UBE3D: variants seen among roughly 807,000 people sequenced by gnomAD.
UBE3D encodes the protein ubiquitin protein ligase E3D, also known as E3 ubiquitin-protein ligase E3D.
UBE3D carries 48 observed loss-of-function variants against 49.6 expected under a neutral mutation model. The observed-to-expected ratio is 0.97, with a 90% CI of 0.77 to 1.23. UBE3D has a LOEUF of 1.23. Ranked by LOEUF, UBE3D falls within the 50% of genes most tolerant of loss-of-function variation. UBE3D has a pLI of 0.00. For synonymous variants in UBE3D, 189 were observed against 174.2 expected, an observed-to-expected ratio of 1.08 and a Z score of -0.67; for missense variants, 452 against 468.4, an observed-to-expected ratio of 0.96 and a Z score of 0.32.
intron 3 of UBE3D, among the ~76,000 whole-genome samples, chr6:83,047,080 G>C (rs1055914141): frequency 6.6e-6 from 1 of 152,196 alleles, no homozygotes; most frequent in Non-Finnish European, 1.5e-5. Context: ...AAATGAACTA[G>C]CGTATTTTGA....
At chr6:82,901,239 T>C (rs1412803993) in intron 9 of UBE3D, among the ~76,000 whole-genome samples, 1 of 151,950 alleles carries the variant, frequency 6.6e-6, no homozygotes, top group African/African-American at 2.4e-5. Flanking sequence ...TGCTGCATTA[T>C]ATTTTACTAC....
intron 5 of UBE3D, among the ~76,000 whole-genome samples, chr6:83,035,410 T>G (rs1471044820): frequency 6.6e-6 from 1 of 152,188 alleles, no homozygotes; most frequent in Non-Finnish European, 1.5e-5. Flanking sequence ...CCTTTGAGAA[T>G]TGTGTTTTGA....
intron 8 of UBE3D, among the ~76,000 whole-genome samples, chr6:82,984,768 G>A (rs1778344503): frequency 6.6e-6 from 1 of 151,902 alleles, no homozygotes; most frequent in Non-Finnish European, 1.5e-5. Context: ...TTTATAAGCT[G>A]GGGATATTAG....
chr6:83,034,624 G>T (rs1782113438), intron 5 of UBE3D, among the ~76,000 whole-genome samples: 1 of 152,090 alleles, frequency 6.6e-6, no homozygotes, highest in East Asian at 1.9e-4. Context: ...GTTATCACAA[G>T]ATCTGAGGTT....
At chr6:82,944,937 A>G (rs1302782075) in intron 9 of UBE3D, among the ~76,000 whole-genome samples, 1 of 152,236 alleles carries the variant, frequency 6.6e-6, no homozygotes, top group African/African-American at 2.4e-5. Context: ...GGACCAGCTA[A>G]GCCACATTAG....
At chr6:82,941,390 G>C (rs1400881717) in intron 9 of UBE3D, among the ~76,000 whole-genome samples, 1 of 151,518 alleles carries the variant, frequency 6.6e-6, no homozygotes, top group African/African-American at 2.4e-5. Flanking sequence ...AGATGAAAGT[G>C]GAATATAACA....
At chr6:82,939,995 A>G (rs1482469572) in intron 9 of UBE3D, among the ~76,000 whole-genome samples, 3 of 152,210 alleles carry the variant, frequency 2.0e-5, no homozygotes, top group Non-Finnish European at 4.4e-5. Flanking sequence ...AGCTTTGCCC[A>G]CAACCTCAAC....
intron 8 of UBE3D, among the ~76,000 whole-genome samples, chr6:82,959,347 G>A (rs372860327): frequency 2.7e-5 from 4 of 150,802 alleles, no homozygotes; most frequent in East Asian, 2.0e-4. Flanking sequence ...TTGCTGATCC[G>A]CTCACAACAG....
intron 9 of UBE3D, among the ~76,000 whole-genome samples, chr6:82,920,248 G>T (rs1377057323): frequency 1.3e-5 from 2 of 152,122 alleles, no homozygotes; most frequent in Non-Finnish European, 2.9e-5. Flanking sequence ...TTCTTATCCA[G>T]GCTAACAAAT....
chr6:82,981,451 G>A (rs1485825486), intron 8 of UBE3D, among the ~76,000 whole-genome samples: 1 of 151,918 alleles, frequency 6.6e-6, no homozygotes, highest in Non-Finnish European at 1.5e-5. Flanking sequence ...AGAATGCAAA[G>A]CATATGGCAA....
intron 8 of UBE3D, among the ~76,000 whole-genome samples, chr6:82,963,221 TAAAAG>T (rs1776679553): frequency 1.1e-5 from 1 of 87,576 alleles, no homozygotes; most frequent in Non-Finnish European, 2.4e-5. Flanking sequence ...GAGAAAGAAA[TAAAAG>T]AGAACAAAAT....
At chr6:82,897,417 C>A (rs555935974) in intron 9 of UBE3D, among the ~76,000 whole-genome samples, 9 of 152,036 alleles carry the variant, frequency 5.9e-5, no homozygotes, top group African/African-American at 2.2e-4. Flanking sequence ...ATGGTAAAAT[C>A]CCCTCTCTAC....
chr6:83,044,200 C>T (rs1782864569), intron 4 of UBE3D, among the ~76,000 whole-genome samples: 1 of 152,178 alleles, frequency 6.6e-6, no homozygotes, highest in Non-Finnish European at 1.5e-5. Context: ...AATTCTAAGC[C>T]TGCAGAGGTC....
intron 8 of UBE3D, among the ~76,000 whole-genome samples, chr6:82,958,620 T>G (rs1776332226): frequency 6.6e-6 from 1 of 152,154 alleles, no homozygotes; most frequent in Non-Finnish European, 1.5e-5. Flanking sequence ...TGGAGTTCAC[T>G]CTCCGTTGAA....
chr6:82,887,479 C>T (rs1770909147), downstream of UBE3D, among the ~76,000 whole-genome samples: 1 of 144,990 alleles, frequency 6.9e-6, no homozygotes, highest in African/African-American at 2.6e-5. Context: ...GAGGCCGAGG[C>T]AGGCAGATCA....
chr6:83,023,455 G>C (rs1245622399), intron 6 of UBE3D, among the ~76,000 whole-genome samples: 1 of 152,108 alleles, frequency 6.6e-6, no homozygotes, highest in Non-Finnish European at 1.5e-5. Flanking sequence ...TCCAAATAAA[G>C]AAAGGTATGA....
At chr6:82,991,228 T>C (rs1410634281) in intron 8 of UBE3D, among the ~76,000 whole-genome samples, 1 of 152,168 alleles carries the variant, frequency 6.6e-6, no homozygotes, top group African/African-American at 2.4e-5. Context: ...GTTCTATCCC[T>C]GAGGAGTCAG....
intron 9 of UBE3D, among the ~76,000 whole-genome samples, chr6:82,947,906 C>G (rs1775522827): frequency 6.6e-6 from 1 of 151,798 alleles, no homozygotes; most frequent in Non-Finnish European, 1.5e-5. Flanking sequence ...GTGCCTACAT[C>G]AAAACAGAAG....
chr6:82,968,086 C>A (rs1447322201), intron 8 of UBE3D, among the ~76,000 whole-genome samples: 1 of 152,062 alleles, frequency 6.6e-6, no homozygotes, highest in African/African-American at 2.4e-5. Context: ...CATCTGTGTA[C>A]AGGTTTTAGG....
Sources: allele counts gnomAD v4.1 joint callset (sites outside exome capture counted in the v4.1 genomes callset), GRCh38; gene constraint gnomAD v4.1.1; transcripts MANE v1.5; gene names NCBI Gene and HGNC (gene_info 2026-07-23, HGNC 2026-07-21).